The following RASSF7 variants were observed in gnomAD, a reference collection of about 807,000 sequenced individuals.
The protein encoded by RASSF7 is ras association domain-containing protein 7.
RASSF7 carries 41 observed loss-of-function variants against 33.8 expected under a neutral mutation model. The observed-to-expected ratio is 1.21, with a 90% CI of 0.95 to 1.57. The LOEUF (loss-of-function observed/expected upper bound fraction) is 1.57, where lower values mean the gene tolerates loss of function less well. Ranked by LOEUF, RASSF7 falls within the 40% of genes most tolerant of loss-of-function variation. The pLI is 0.00. For missense variants in RASSF7, 622 were observed against 497.0 expected (o/e 1.25, Z -2.39); for synonymous variants, 298 against 212.8 (o/e 1.40, Z -3.48).
At position 563,206 on chromosome 11, in the gene RASSF7, G is replaced by A. The variant is rs1386082357; in HGVS notation, c.840G>A (p.Leu280=). ...ERALQAQAQE[L]EELNRELRQC... ...GTCCCCAGGCTCAGGCTCAGGAGCT[G>A]GAGGAGCTGAACCGAGAGCTCCGTC... Residue 280 remains leucine, a synonymous_variant, in exon 4 of 6, where the codon CTG becomes CTA. Transcript: ENST00000397583. 1 of 1,587,248 alleles carries A rather than the reference G, an allele frequency of 6.3e-7. No homozygotes were observed. The highest frequency in any genetic ancestry group is 1.1e-5 in the South Asian group (1 of 88,482).
chr11:561,440 C>T lies in RASSF7; in HGVS notation c.-45C>T, dbSNP rs1404935955. The T allele has an allele frequency of 2.6e-6, 3 of 1,168,630 alleles. No individual in the cohort carries two copies. Among genetic ancestry groups the T allele is most frequent in the East Asian group, 4.9e-5 (1 of 20,332 alleles). 72.4% of individuals were successfully genotyped at this position (1,168,630 alleles called of 1,614,324 possible). A position where few individuals can be genotyped will look rare whatever the true frequency, so the allele number is the denominator to read the frequency against. On this transcript the variant is annotated 5_prime_UTR_variant, in exon 1 of 6. Coordinates refer to ENST00000397583, the MANE Select transcript of RASSF7 (RefSeq NM_003475.4). ...GCGGGGCCTGGCGTGCGGGCGCCTCCGCGCCGCCCGGGGAGGGGGCAGTGT... is the reference window on the plus strand; with the variant it reads ...GCGGGGCCTGGCGTGCGGGCGCCTCTGCGCCGCCCGGGGAGGGGGCAGTGT...
At chr11:563,072 C>G (rs141755107) in intron 3 of RASSF7, 117 bp from the exon 4 acceptor site, 51 of 1,049,814 alleles carry the variant, frequency 4.9e-5, no homozygotes, top group Non-Finnish European at 6.4e-5. Flanking sequence ...ACTCCCCAAC[C>G]CCTGACGTGG....
intron 3 of RASSF7, 45 bp from the exon 4 acceptor site, chr11:563,144 T>C (rs1231943818): frequency 1.3e-6 from 2 of 1,511,684 alleles, no homozygotes; most frequent in African/African-American, 2.8e-5. Flanking sequence ...ACAAGGGCTG[T>C]GGAGCCCAGT....
In RASSF7 at chr11:562,367, G is replaced by A. The variant is rs1853369302; in HGVS notation, c.413G>A (p.Arg138His). 4 of 1,596,688 alleles carry A rather than the reference G, an allele frequency of 2.5e-6. No homozygotes were observed. Among genetic ancestry groups the A allele is most frequent in the East Asian group, 4.6e-5 (2 of 43,594 alleles). ...CCCGAGCCAGCCCCCAGCCTCTCAC[G>A]CCCTGGGCCTGCGGCCCCTGTGACA... is the stretch of plus-strand genomic sequence containing the variant. ...LTPEPAPSLS[R>H]PGPAAPVTPT... Residue 138 changes from arginine (R) to histidine (H), a missense_variant, in exon 3 of 6, where the codon CGC becomes CAC. Coordinates refer to ENST00000397583, the MANE Select transcript of RASSF7 (RefSeq NM_003475.4).
chr11:561,918 C>T (rs1564823105), intron 2 of RASSF7, 26 bp downstream of exon 2: 1 of 1,612,218 alleles, frequency 6.2e-7, no homozygotes. Flanking sequence ...GTCAGGCAGG[C>T]CGGGCAGGTA....
rs1165643641 is a variant in RASSF7 at position 562,768 on chromosome 11, G to A, written c.814G>A (p.Ala272Thr). Residue 272 changes from alanine to threonine, a missense_variant, in exon 3 of 6, where the codon GCC becomes ACC. Ala to Thr is a moderately conservative substitution (Grantham distance 58). Coordinates refer to ENST00000397583, the MANE Select transcript of RASSF7 (RefSeq NM_003475.4). ...CCGGGCCCTGGAGGCAGCAGAGCGA[G>A]CCTTGCAGGTGAGCCCGGGGACCTG... ...VSRALEAAER[A>T]LQAQAQELEE... The A allele has an allele frequency of 6.7e-7, 1 of 1,502,542 alleles. No homozygotes were observed. The highest frequency in any genetic ancestry group is 2.5e-5 in the East Asian group (1 of 40,566). 93.1% of individuals were successfully genotyped at this position (1,502,542 alleles called of 1,614,324 possible).
rs2242182 is a variant in RASSF7 at position 562,421 on chromosome 11, G to C, written c.467G>C (p.Arg156Pro). ...ACACCAGGCTGCTGCACAGACCTGCGGGGCCTGGAGCTCAGGGTGCAGAGG... is the reference window on the plus strand; with the variant it reads ...ACACCAGGCTGCTGCACAGACCTGCCGGGCCTGGAGCTCAGGGTGCAGAGG... ...TPTPGCCTDL[R>P]GLELRVQRNA... Residue 156 changes from arginine (R) to proline (P), a missense_variant, in exon 3 of 6, where the codon CGG becomes CCG. By Grantham distance (103) the Arg-to-Pro change is moderately radical. Transcript: ENST00000397583. The C allele has an allele frequency of 4.2e-5, 65 of 1,556,216 alleles. No homozygotes were observed. The East Asian group carries it at 1.5e-3, about 37-fold the overall frequency.
In RASSF7 at chr11:561,759, C is replaced by T. The variant is rs377016820; in HGVS notation, c.-7-3C>T. The T allele has an allele frequency of 1.2e-6, 2 of 1,613,232 alleles. No homozygotes were observed. The highest frequency in any genetic ancestry group is 1.3e-5 in the African/African-American group (1 of 74,924). Reference sequence around the variant, plus strand: ...TGACCCGGTGCCTGCGCCCTCCCCACAGGACAGGCATGTTGTTGGGACTGG... The same window carrying T: ...TGACCCGGTGCCTGCGCCCTCCCCATAGGACAGGCATGTTGTTGGGACTGG... On this transcript the variant is annotated splice_region_variant and splice_polypyrimidine_tract_variant and intron_variant, in intron 1 of 5. Transcript: ENST00000397583.
chr11:561,528 G>A, intron 1 of RASSF7, 51 bp downstream of exon 1: 1 of 1,410,656 alleles, frequency 7.1e-7, no homozygotes. Flanking sequence ...CCTTGTTCCG[G>A]GAGTGCGAGC....
rs1853268422 is a variant in RASSF7 at position 561,058 on chromosome 11, C to G, written c.-427C>G. The G allele has an allele frequency of 2.0e-6, 2 of 991,772 alleles. No individual in the cohort carries two copies. The highest frequency in any genetic ancestry group is 2.4e-6 in the Non-Finnish European group (2 of 834,600). 61.4% of individuals were successfully genotyped at this position (991,772 alleles called of 1,614,324 possible). A position where few individuals can be genotyped will look rare whatever the true frequency, so the allele number is the denominator to read the frequency against. ...GGTGAGCCGCGCCGGGTCCCCGGTACTTGGGAGCGCGGGGCGCGCCTCGAG... is the reference window on the plus strand; with the variant it reads ...GGTGAGCCGCGCCGGGTCCCCGGTAGTTGGGAGCGCGGGGCGCGCCTCGAG... On this transcript the variant is annotated 5_prime_UTR_variant, in exon 1 of 6. Coordinates refer to ENST00000397583, the MANE Select transcript of RASSF7 (RefSeq NM_003475.4).
rs766649205 is a variant in RASSF7, at chr11:561,786, G to C, written c.18G>C (p.Ala6=). The change falls in exon 2 of 6, where the codon GCG becomes GCC. Residue 6 remains alanine, a synonymous_variant. Transcript: ENST00000397583. MLLGL[A]AMELKVWVDG... ...GGACAGGCATGTTGTTGGGACTGGC[G>C]GCCATGGAGCTGAAGGTGTGGGTGG... 6.2e-7 allele frequency: 1 copy of C among 1,613,390 alleles called. No homozygotes were observed. Among genetic ancestry groups the C allele is most frequent in the South Asian group, 1.1e-5 (1 of 91,084 alleles).
Position 562,259 on chromosome 11 carries a change from C to T in RASSF7, c.305C>T (p.Pro102Leu), listed in dbSNP as rs1032428206. 1.2e-6 allele frequency: 2 copies of T among 1,612,998 alleles called. No individual in the cohort carries two copies. Among genetic ancestry groups the T allele is most frequent in the Non-Finnish European group, 8.5e-7 (1 of 1,179,982 alleles). The change falls in exon 3 of 6, where the codon CCC (proline) becomes CTC (leucine). Residue 102 changes from proline to leucine, a missense_variant. By Grantham distance (98) the Pro-to-Leu change is moderately conservative (BLOSUM62 -3). Coordinates refer to ENST00000397583, the MANE Select transcript of RASSF7 (RefSeq NM_003475.4). ...AGGCCCTCCTCAGACAGCTGTCCAC[C>T]CCCGGAACGCTGCCTAATTCGTGCC... is the stretch of plus-strand genomic sequence containing the variant. ...AGRPSSDSCP[P>L]PERCLIRASL...
Position 561,043 on chromosome 11 carries a change from G to T in RASSF7, c.-442G>T. On this transcript the variant is annotated 5_prime_UTR_variant, in exon 1 of 6. Transcript: ENST00000397583. ...GCTGGCGAGCGCCCAGGTGAGCCGC[G>T]CCGGGTCCCCGGTACTTGGGAGCGC... The T allele has an allele frequency of 1.0e-6, 1 of 997,100 alleles. No homozygotes were observed. Among genetic ancestry groups the T allele is most frequent in the Non-Finnish European group, 1.2e-6 (1 of 838,302 alleles). 61.8% of individuals were successfully genotyped at this position (997,100 alleles called of 1,614,324 possible). A position where few individuals can be genotyped will look rare whatever the true frequency, so the allele number is the denominator to read the frequency against.
rs1386201280 is a variant in RASSF7 at position 560,981 on chromosome 11, G to GGCGGCAGGTT, written c.-498_-489dup. 3.7e-6 allele frequency: 4 copies of GGCGGCAGGTT among 1,085,804 alleles called. No homozygotes were observed. The East Asian group carries it at 2.2e-4, about 61-fold the overall frequency. 67.3% of individuals were successfully genotyped at this position (1,085,804 alleles called of 1,614,324 possible). ...GGCCCGGGTGCGCCGCGGCGCTGGG[G>GGCGGCAGGTT]GCGGCAGGTTGCGGCGGCGCCGGAG... On this transcript the variant is annotated 5_prime_UTR_variant, in exon 1 of 6. Transcript: ENST00000397583.
intron 1 of RASSF7, 118 bp from the exon 2 acceptor site, chr11:561,644 C>T: frequency 6.8e-7 from 1 of 1,479,662 alleles, no homozygotes; most frequent in Non-Finnish European, 9.0e-7. Flanking sequence ...GGGTGGGGCC[C>T]GTGCGGAGGG....
At position 562,089 on chromosome 11, in the gene RASSF7, C is replaced by T. The variant is rs1274212949; in HGVS notation, c.135C>T (p.Gly45=). ...IALAQAIGQT[G]RFVLVQRLRE... ...TCCTCTTCTTCCCAGGCCAGACTGG[C>T]CGCTTTGTGCTTGTGCAGCGGCTTC... is the stretch of plus-strand genomic sequence containing the variant. The change falls in exon 3 of 6, where the codon GGC becomes GGT. Residue 45 remains glycine (G), a synonymous_variant. Transcript: ENST00000397583. 1.3e-6 allele frequency: 2 copies of T among 1,517,352 alleles called. No individual in the cohort carries two copies. Among genetic ancestry groups the T allele is most frequent in the Non-Finnish European group, 1.8e-6 (2 of 1,131,884 alleles). The allele number at this position is 1,517,352 out of a possible 1,614,324, so 94.0% of individuals were successfully genotyped here.
Position 561,221 on chromosome 11 carries a change from T to G in RASSF7, c.-264T>G, listed in dbSNP as rs1589837139. 2 of 984,800 alleles carry G rather than the reference T, an allele frequency of 2.0e-6. No individual in the cohort carries two copies. The highest frequency in any genetic ancestry group is 1.2e-6 in the Non-Finnish European group (1 of 829,796). The allele number at this position is 984,800 out of a possible 1,614,324, so 61.0% of individuals were successfully genotyped here. On this transcript the variant is annotated 5_prime_UTR_variant, in exon 1 of 6. Transcript: ENST00000397583. ...CCAGGCTGGGGTCGCGGCGCGGGCT[T>G]CGGTGCCCGCGGCGGGGACCGGGAC... is the stretch of plus-strand genomic sequence containing the variant.
chr11:563,215 G>A lies in RASSF7; in HGVS notation c.849G>A (p.Leu283=). The A allele has an allele frequency of 6.3e-7, 1 of 1,594,728 alleles. No individual in the cohort carries two copies. The highest frequency in any genetic ancestry group is 8.6e-7 in the Non-Finnish European group (1 of 1,167,512). The change falls in exon 4 of 6, where the codon CTG becomes CTA. Residue 283 remains leucine (L), a synonymous_variant. Transcript: ENST00000397583. The part of the protein sequence containing the change: ...LQAQAQELEE[L]NRELRQCNLQ... ...CTCAGGCTCAGGAGCTGGAGGAGCT[G>A]AACCGAGAGCTCCGTCAGTGCAACC...
At position 562,190 on chromosome 11, in the gene RASSF7, A is replaced by AT. The variant is rs1853358495; in HGVS notation, c.237dup (p.Val80CysfsTer44). The AT allele has an allele frequency of 6.3e-7, 1 of 1,594,124 alleles. No homozygotes were observed. The highest frequency in any genetic ancestry group is 8.6e-7 in the Non-Finnish European group (1 of 1,169,514). On this transcript the variant is annotated frameshift_variant, in exon 3 of 6. Transcript: ENST00000397583. LOFTEE classifies it high-confidence loss of function. ...GCCACCTGCGGACAGTTTGCCAGCG[A>AT]TGTCCAGTTTGTCCTGAGGCGCACA...
Sources: allele counts gnomAD v4.1 joint callset, GRCh38; gene constraint gnomAD v4.1.1; transcripts MANE v1.5; gene names NCBI Gene and HGNC (gene_info 2026-07-23, HGNC 2026-07-21).